Variants in CADM2 observed in about 807,000 individuals in gnomAD.
CADM2 encodes the protein cell adhesion molecule 2.
In CADM2, 12 loss-of-function variants were observed where a neutral mutation model predicts 49.8. The ratio of observed to expected loss-of-function variants is 0.24; its 90% confidence interval spans 0.15 to 0.39. The LOEUF (loss-of-function observed/expected upper bound fraction) is 0.39. CADM2 is among the 10% of genes least tolerant of loss of function. The pLI, the probability that CADM2 is intolerant of heterozygous loss-of-function variation, is 1.00. For missense variants in CADM2, 378 were observed against 492.3 expected, an observed-to-expected ratio of 0.77 and a Z score of 2.20; for synonymous variants, 214 against 175.4, an observed-to-expected ratio of 1.22 and a Z score of -1.74.
At chr3:85,039,599 C>T (rs1243114580) in intron 1 of CADM2, among the ~76,000 whole-genome samples, 1 of 152,116 alleles carries the variant, frequency 6.6e-6, no homozygotes, top group Non-Finnish European at 1.5e-5. Context: ...TTTACTGTCC[C>T]CTGCCTTCCT....
At chr3:85,486,575 T>C (rs975669923) in intron 1 of CADM2, among the ~76,000 whole-genome samples, 5 of 152,134 alleles carry the variant, frequency 3.3e-5, no homozygotes, top group African/African-American at 9.6e-5. Flanking sequence ...CATTCTCTAT[T>C]TTGTAATATC....
At chr3:85,566,760 A>G (rs2062272980) in intron 1 of CADM2, among the ~76,000 whole-genome samples, 1 of 152,200 alleles carries the variant, frequency 6.6e-6, no homozygotes, top group Admixed American at 6.5e-5. Flanking sequence ...CAATCTATGC[A>G]TCATCATTTG....
intron 1 of CADM2, among the ~76,000 whole-genome samples, chr3:85,653,338 G>A (rs1040561357): frequency 4.8e-5 from 7 of 147,032 alleles, no homozygotes; most frequent in African/African-American, 1.8e-4. Flanking sequence ...ACAGGTGATA[G>A]CATCCTAGAT....
At chr3:85,668,071 C>T (rs1297950263) in intron 1 of CADM2, among the ~76,000 whole-genome samples, 1 of 151,846 alleles carries the variant, frequency 6.6e-6, no homozygotes, top group African/African-American at 2.4e-5. Flanking sequence ...AATTAAATGT[C>T]AAGTCGTTTT....
intron 8 of CADM2, among the ~76,000 whole-genome samples, chr3:86,055,466 T>TG (rs1737817638): frequency 3.1e-5 from 4 of 128,820 alleles, no homozygotes; most frequent in African/African-American, 1.2e-4. Flanking sequence ...TTTTTTTTTT[T>TG]TTTTTTTTTT....
chr3:85,409,774 G>C (rs1184346926), intron 1 of CADM2, among the ~76,000 whole-genome samples: 1 of 152,046 alleles, frequency 6.6e-6, no homozygotes, highest in Non-Finnish European at 1.5e-5. Flanking sequence ...ACATTGAATT[G>C]ATTGAACCCT....
At chr3:85,455,297 A>G (rs2037940036) in intron 1 of CADM2, among the ~76,000 whole-genome samples, 2 of 152,236 alleles carry the variant, frequency 1.3e-5, no homozygotes, top group African/African-American at 2.4e-5. Flanking sequence ...AACTCAATAC[A>G]TGTCGCTAAT....
At chr3:85,203,517 A>G (rs1316787531) in intron 1 of CADM2, among the ~76,000 whole-genome samples, 5 of 152,192 alleles carry the variant, frequency 3.3e-5, no homozygotes, top group Non-Finnish European at 7.3e-5. Context: ...CAATAATAAC[A>G]TCAAAGATCA....
chr3:85,723,625 C>G (rs1471236035), intron 1 of CADM2, among the ~76,000 whole-genome samples: 1 of 152,054 alleles, frequency 6.6e-6, no homozygotes, highest in African/African-American at 2.4e-5. Context: ...TCTTTCTATT[C>G]TATGTTGGTA....
chr3:85,080,139 T>C (rs959566652), intron 1 of CADM2, among the ~76,000 whole-genome samples: 37 of 152,012 alleles, frequency 2.4e-4, no homozygotes, highest in African/African-American at 8.7e-4. Flanking sequence ...CTCAGGTATA[T>C]CAATTAACTT....
intron 1 of CADM2, among the ~76,000 whole-genome samples, chr3:85,108,137 A>AT (rs1348655990): frequency 6.6e-6 from 1 of 152,200 alleles, no homozygotes; most frequent in Non-Finnish European, 1.5e-5. Context: ...TTCTAGTAGC[A>AT]TTATTTACAA....
intron 1 of CADM2, among the ~76,000 whole-genome samples, chr3:85,395,569 G>T (rs1379198580): frequency 6.6e-6 from 1 of 152,008 alleles, no homozygotes; most frequent in Non-Finnish European, 1.5e-5. Flanking sequence ...ATATGAAATT[G>T]TTTGCTACTC....
chr3:85,564,167 TTCTCTC>T lies in CADM2; in HGVS notation c.62-162328_62-162323del, dbSNP rs3086193. 2.6e-3 allele frequency among the ~76,000 whole-genome samples: 390 copies of T among 149,690 alleles called. 5 individuals carry two copies. In the South Asian group the frequency reaches 0.027, roughly 10 times the overall value. Reference sequence around the variant, plus strand: ...CAAGTAAATAATTTAGAAAGCATGATTCTCTCTCTCTCTCTCTCTCTCTCTCTCTCT... The same window carrying T: ...CAAGTAAATAATTTAGAAAGCATGATTCTCTCTCTCTCTCTCTCTCTCTCT... On this transcript the variant is annotated intron_variant, in intron 1 of 9. Coordinates refer to ENST00000383699, the MANE Select transcript of CADM2 (RefSeq NM_001167675.2).
intron 1 of CADM2, among the ~76,000 whole-genome samples, chr3:85,311,815 T>A (rs987147932): frequency 6.6e-6 from 1 of 152,212 alleles, no homozygotes; most frequent in Non-Finnish European, 1.5e-5. Flanking sequence ...GTCTATAGAT[T>A]TGACCAAGTT....
chr3:86,046,265 C>T (rs1311043804), intron 8 of CADM2, among the ~76,000 whole-genome samples: 1 of 151,978 alleles, frequency 6.6e-6, no homozygotes, highest in Non-Finnish European at 1.5e-5. Flanking sequence ...CTTTTGTAAA[C>T]ATTTTTCTAA....
chr3:85,332,839 C>A (rs955748324), intron 1 of CADM2, among the ~76,000 whole-genome samples: 1 of 151,340 alleles, frequency 6.6e-6, no homozygotes, highest in Non-Finnish European at 1.5e-5. Context: ...GTGAACAAGG[C>A]TTTTTTTTAT....
chr3:85,339,042 T>C (rs1245103253), intron 1 of CADM2, among the ~76,000 whole-genome samples: 1 of 151,564 alleles, frequency 6.6e-6, no homozygotes, highest in East Asian at 1.9e-4. Context: ...TCTGAAAAGT[T>C]TAAGTCTGAT....
chr3:85,686,057 T>G (rs1198423683), intron 1 of CADM2, among the ~76,000 whole-genome samples: 1 of 152,240 alleles, frequency 6.6e-6, no homozygotes, highest in Non-Finnish European at 1.5e-5. Context: ...AGCTGAAATT[T>G]TGTTCTATCC....
intron 1 of CADM2, among the ~76,000 whole-genome samples, chr3:85,480,652 T>G (rs1240263793): frequency 6.6e-6 from 1 of 151,912 alleles, no homozygotes; most frequent in Non-Finnish European, 1.5e-5. Context: ...TTAACCGCTA[T>G]CCATAGCATA....
Sources: allele counts gnomAD v4.1 joint callset (sites outside exome capture counted in the v4.1 genomes callset), GRCh38; gene constraint gnomAD v4.1.1; transcripts MANE v1.5; gene names NCBI Gene and HGNC (gene_info 2026-07-23, HGNC 2026-07-21).